The following SRBD1 variants were observed in gnomAD, a reference collection of about 807,000 sequenced individuals.
The protein encoded by SRBD1 is S1 RNA-binding domain-containing protein 1.
SRBD1 carries 88 observed loss-of-function variants against 115.3 expected under a neutral mutation model. The observed-to-expected ratio is 0.76, with a 90% confidence interval of 0.64 to 0.91. SRBD1 has a LOEUF of 0.91. SRBD1 is among the 40% of genes least tolerant of loss of function. SRBD1 has a pLI of 0.00. For missense variants in SRBD1, 1,385 were observed against 1,177.4 expected (o/e 1.18, Z -2.58); for synonymous variants, 509 against 407.7 (o/e 1.25, Z -2.99).
intron 9 of SRBD1, among the ~76,000 whole-genome samples, chr2:45,563,926 G>A (rs959704663): frequency 6.6e-6 from 1 of 151,978 alleles, no homozygotes; most frequent in Admixed American, 6.6e-5. Flanking sequence ...ATTAGAGAAG[G>A]AAAAACTTCA....
Position 45,536,553 on chromosome 2 carries a change from T to C in SRBD1, c.1874+10179A>G, listed in dbSNP as rs566084599. Reference sequence around the variant, plus strand: ...GAAATAAGATTATAATAAAGTTTTATCATGTGTTAATAACTAAAGTATTTG... The same window carrying C: ...GAAATAAGATTATAATAAAGTTTTACCATGTGTTAATAACTAAAGTATTTG... On this transcript the variant is annotated intron_variant, in intron 14 of 20. Coordinates refer to ENST00000263736, the MANE Select transcript of SRBD1 (RefSeq NM_018079.5). 4.5e-4 allele frequency among the ~76,000 whole-genome samples: 68 copies of C among 152,276 alleles called. 1 individual carries two copies. Among genetic ancestry groups the C allele is most frequent in the African/African-American group, 1.5e-3 (62 of 41,580 alleles).
chr2:45,403,234 A>C (rs1572597450), intron 19 of SRBD1, among the ~76,000 whole-genome samples: 1 of 152,270 alleles, frequency 6.6e-6, no homozygotes, highest in East Asian at 1.9e-4. Context: ...TACTTACACA[A>C]TATTTAGGAA....
In SRBD1 at chr2:45,573,208, T is replaced by C. The variant is rs763492258; in HGVS notation, c.1304A>G (p.Gln435Arg). The change falls in exon 9 of 21, where the codon CAG becomes CGG. Residue 435 changes from glutamine to arginine, a missense_variant and splice_region_variant. Physicochemically the swap from Gln to Arg is conservative, Grantham distance 43 (BLOSUM62 1). Transcript: ENST00000263736. ...TGCACATGCAGTTTCTTTATTTACCTGATGATGGTGAATGTTTCTTATGTT... is the reference window on the plus strand; with the variant it reads ...TGCACATGCAGTTTCTTTATTTACCCGATGATGGTGAATGTTTCTTATGTT... ...SCNIRNIHHH[Q>R]ILAINRGENL... 5 of 1,603,170 alleles carry C rather than the reference T, an allele frequency of 3.1e-6. No homozygotes were observed. The highest frequency in any genetic ancestry group is 4.3e-6 in the Non-Finnish European group (5 of 1,176,288).
intron 14 of SRBD1, among the ~76,000 whole-genome samples, chr2:45,515,445 C>T (rs984888919): frequency 3.3e-5 from 5 of 152,060 alleles, no homozygotes; most frequent in Admixed American, 6.6e-5. Context: ...TTCAGTACAG[C>T]GTAGATATCT....
intron 2 of SRBD1, among the ~76,000 whole-genome samples, chr2:45,604,257 C>T (rs1209671937): frequency 6.6e-6 from 1 of 151,782 alleles, no homozygotes; most frequent in Non-Finnish European, 1.5e-5. Flanking sequence ...CTTCCAGTGG[C>T]CTCCCAACCC....
chr2:45,392,900 A>G (rs1427725984), intron 20 of SRBD1, 45 bp downstream of exon 20: 1 of 1,521,698 alleles, frequency 6.6e-7, no homozygotes, highest in African/African-American at 1.4e-5. Context: ...AGATAATGGG[A>G]GCTATGCAAA....
At chr2:45,419,766 T>A in intron 17 of SRBD1, 22 bp downstream of exon 17, 1 of 1,606,584 alleles carries the variant, frequency 6.2e-7, no homozygotes, top group Non-Finnish European at 8.5e-7. Flanking sequence ...TTCTGTGATC[T>A]TCAGCCACAT....
intron 16 of SRBD1, among the ~76,000 whole-genome samples, chr2:45,432,401 C>G (rs894949287): frequency 2.0e-5 from 3 of 152,168 alleles, no homozygotes; most frequent in African/African-American, 7.2e-5. Flanking sequence ...CATACTGTTT[C>G]CATAATAATG....
intron 14 of SRBD1, among the ~76,000 whole-genome samples, chr2:45,534,382 T>G (rs548318945): frequency 6.6e-6 from 1 of 152,046 alleles, no homozygotes; most frequent in South Asian, 2.1e-4. Flanking sequence ...AAGAGCCCAG[T>G]GTTCATAATA....
At position 45,389,557 on chromosome 2, in the gene SRBD1, T is replaced by C. The variant is rs766834158; in HGVS notation, c.2741A>G (p.Glu914Gly). 6.2e-7 allele frequency: 1 copy of C among 1,613,978 alleles called. No homozygotes were observed. The highest frequency in any genetic ancestry group is 2.2e-5 in the East Asian group (1 of 44,872). Residue 914 changes from glutamate to glycine, a missense_variant, in exon 21 of 21, where the codon GAA becomes GGA. Glu to Gly is a moderately conservative substitution (Grantham distance 98). Coordinates refer to ENST00000263736, the MANE Select transcript of SRBD1 (RefSeq NM_018079.5). ...AAGAACTGTCCCAATCTGCAGATCTTCCAGGCATACTATGCTTCTCTTGAA... is the reference window on the plus strand; with the variant it reads ...AAGAACTGTCCCAATCTGCAGATCTCCCAGGCATACTATGCTTCTCTTGAA... Reference protein sequence around the residue: ...PDFKRSIVCLEDLQIGTVLTG... With the variant: ...PDFKRSIVCLGDLQIGTVLTG...
intron 14 of SRBD1, among the ~76,000 whole-genome samples, chr2:45,545,764 A>C (rs533981015): frequency 1.2e-4 from 18 of 152,190 alleles, no homozygotes; most frequent in African/African-American, 4.1e-4. Flanking sequence ...TTTGTTCCTC[A>C]CCTTCTCTTA....
chr2:45,455,683 CA>C (rs1296475818), intron 16 of SRBD1, among the ~76,000 whole-genome samples: 4 of 151,688 alleles, frequency 2.6e-5, no homozygotes, highest in Non-Finnish European at 5.9e-5. Context: ...CACAACTTTG[CA>C]ATGTATGTAG....
At chr2:45,529,460 T>C (rs928486258) in intron 14 of SRBD1, among the ~76,000 whole-genome samples, 1 of 151,864 alleles carries the variant, frequency 6.6e-6, no homozygotes, top group African/African-American at 2.4e-5. Flanking sequence ...ACCAAAAACC[T>C]TGAATGAGAA....
chr2:45,477,966 C>CTTTT (rs61688104), intron 15 of SRBD1, among the ~76,000 whole-genome samples: 27 of 148,048 alleles, frequency 1.8e-4, no homozygotes, highest in Non-Finnish European at 6.0e-5. Flanking sequence ...ATTTATTGTC[C>CTTTT]TTTTTTTTTT....
chr2:45,520,444 C>A (rs1671247152), intron 14 of SRBD1, among the ~76,000 whole-genome samples: 2 of 152,318 alleles, frequency 1.3e-5, no homozygotes, highest in South Asian at 4.1e-4. Flanking sequence ...CCTGAATTTG[C>A]TACAGACAGG....
intron 16 of SRBD1, among the ~76,000 whole-genome samples, chr2:45,446,197 G>A (rs1258383855): frequency 1.3e-5 from 2 of 152,172 alleles, no homozygotes; most frequent in East Asian, 3.8e-4. Context: ...CAGCAGGTTG[G>A]CTTCACACAG....
At chr2:45,429,254 C>T (rs1378049013) in intron 16 of SRBD1, among the ~76,000 whole-genome samples, 1 of 152,116 alleles carries the variant, frequency 6.6e-6, no homozygotes, top group Non-Finnish European at 1.5e-5. Flanking sequence ...TGAAACCATT[C>T]CAAACAACAG....
chr2:45,518,791 A>G (rs780133769), intron 14 of SRBD1, among the ~76,000 whole-genome samples: 3 of 152,116 alleles, frequency 2.0e-5, no homozygotes, highest in Non-Finnish European at 4.4e-5. Flanking sequence ...TCAAACACAA[A>G]TATCTAATTT....
chr2:45,443,302 G>T (rs1407371663), intron 16 of SRBD1, among the ~76,000 whole-genome samples: 1 of 152,114 alleles, frequency 6.6e-6, no homozygotes, highest in Non-Finnish European at 1.5e-5. Context: ...TAATAGTAGA[G>T]AATGATGAAG....
Sources: allele counts gnomAD v4.1 joint callset (sites outside exome capture counted in the v4.1 genomes callset), GRCh38; gene constraint gnomAD v4.1.1; transcripts MANE v1.5; gene names NCBI Gene and HGNC (gene_info 2026-07-23, HGNC 2026-07-21).